SCARA3: variants seen among roughly 807,000 people sequenced by gnomAD.
SCARA3 encodes scavenger receptor class A member 3.
Under a neutral mutation model 47.0 loss-of-function variants are expected in SCARA3, and 39 were observed. That is an observed-to-expected ratio of 0.83 (90% CI 0.64 to 1.08). SCARA3 has a LOEUF of 1.08. Ranked by LOEUF, SCARA3 falls within the 50% of genes least tolerant of loss-of-function variation. The probability of loss-of-function intolerance (pLI) is 0.00; values close to 1 mark genes in which losing one functional copy is unlikely to be tolerated. For missense variants in SCARA3, 724 were observed against 792.3 expected (o/e 0.91, Z 1.04); for synonymous variants, 356 against 334.1 (o/e 1.07, Z -0.71).
At chr8:27,694,932 G>A in the SCARA3 span, among the ~76,000 whole-genome samples, 1,522 of 152,224 alleles carry the variant, frequency 1.0e-2, 17 homozygotes, top group African/African-American at 0.034. Context: ...GCAGGGAAGG[G>A]GCCCTACAGT....
At chr8:27,646,571 C>T (rs1801497334) in intron 1 of SCARA3, among the ~76,000 whole-genome samples, 1 of 152,126 alleles carries the variant, frequency 6.6e-6, no homozygotes, top group Admixed American at 6.5e-5. Context: ...GGAACCCGGC[C>T]AAGGAGGCAG....
In SCARA3 at chr8:27,659,027, C is replaced by T. The variant is rs140128423; in HGVS notation, c.857C>T (p.Ser286Phe). 1 of 1,614,008 alleles carries T rather than the reference C, an allele frequency of 6.2e-7. No individual in the cohort carries two copies. The highest frequency in any genetic ancestry group is 1.3e-5 in the African/African-American group (1 of 74,906). The change falls in exon 5 of 6, where the codon TCC (serine) becomes TTC (phenylalanine). Residue 286 changes from serine (S) to phenylalanine (F), a missense_variant. Coordinates refer to ENST00000301904, the MANE Select transcript of SCARA3 (RefSeq NM_016240.3). Reference sequence around the variant, plus strand: ...AACATCCAGGCCACCCTGGGGGCCTCCTCACAGCGCATCAGCCAGAACTCA... The same window carrying T: ...AACATCCAGGCCACCCTGGGGGCCTTCTCACAGCGCATCAGCCAGAACTCA... ...VKNIQATLGA[S>F]SQRISQNSES...
chr8:27,648,573 C>T (rs1261497284), intron 1 of SCARA3, among the ~76,000 whole-genome samples: 1 of 151,710 alleles, frequency 6.6e-6, no homozygotes, highest in African/African-American at 2.4e-5. Flanking sequence ...CACTGCAATC[C>T]AGCCTGGGCG....
the SCARA3 span, among the ~76,000 whole-genome samples, chr8:27,706,333 G>A: frequency 6.6e-6 from 1 of 151,960 alleles, no homozygotes; most frequent in Admixed American, 6.6e-5. Flanking sequence ...TTGTATTTTT[G>A]GTAGAGATGG....
Position 27,672,894 on chromosome 8 carries a change from C to T in SCARA3, c.*1543C>T. On this transcript the variant is annotated 3_prime_UTR_variant, in exon 6 of 6. Transcript: ENST00000301904. ...CCTGCTCAAAGCCTTTCCGCACCCTCCTGACTGTCCTGGATGTGCAACTGG... is the reference window on the plus strand; with the variant it reads ...CCTGCTCAAAGCCTTTCCGCACCCTTCTGACTGTCCTGGATGTGCAACTGG... 1.0e-6 allele frequency: 1 copy of T among 985,780 alleles called. No homozygotes were observed. 61.1% of individuals were successfully genotyped at this position (985,780 alleles called of 1,614,324 possible).
At chr8:27,653,040 A>G (rs1801666234) in intron 3 of SCARA3, among the ~76,000 whole-genome samples, 1 of 152,232 alleles carries the variant, frequency 6.6e-6, no homozygotes, top group Non-Finnish European at 1.5e-5. Context: ...CAAAAATCCC[A>G]GGCCAGAGGA....
chr8:27,702,550 A>C, the SCARA3 span: 1 of 152,262 alleles, frequency 6.6e-6, no homozygotes, highest in Non-Finnish European at 1.5e-5. Context: ...AGAGCGAGCC[A>C]TAGGGGAGTG....
chr8:27,636,195 A>G (rs1801245537), intron 1 of SCARA3, among the ~76,000 whole-genome samples: 2 of 152,190 alleles, frequency 1.3e-5, no homozygotes, highest in African/African-American at 2.4e-5. Flanking sequence ...CTTGGACCAC[A>G]TCTTACACGG....
At chr8:27,638,685 T>C (rs1801313692) in intron 1 of SCARA3, among the ~76,000 whole-genome samples, 1 of 152,196 alleles carries the variant, frequency 6.6e-6, no homozygotes, top group Admixed American at 6.5e-5. Context: ...TGTCTATATA[T>C]GTCTAAGGAC....
the SCARA3 span, among the ~76,000 whole-genome samples, chr8:27,717,019 T>C: frequency 6.6e-6 from 1 of 152,138 alleles, no homozygotes; most frequent in African/African-American, 2.4e-5. Context: ...TTCAGGATCT[T>C]CTACAAAGAC....
downstream of SCARA3, chr8:27,676,673 G>C (rs1802282864): frequency 1.1e-6 from 1 of 871,958 alleles, no homozygotes; most frequent in South Asian, 1.4e-5. Context: ...TATCCTTAAT[G>C]GTAAGCATCA....
At chr8:27,659,855 A>G (rs1445105210) in intron 5 of SCARA3, among the ~76,000 whole-genome samples, 4 of 122,716 alleles carry the variant, frequency 3.3e-5, no homozygotes, top group African/African-American at 1.1e-4. Flanking sequence ...ATCTAAAAAA[A>G]AAAAAAAAAA....
At chr8:27,724,300 G>A in the SCARA3 span, among the ~76,000 whole-genome samples, 11 of 152,298 alleles carry the variant, frequency 7.2e-5, no homozygotes, top group African/African-American at 2.4e-4. Flanking sequence ...AAGCAAGGTT[G>A]TTTTTTGACA....
At chr8:27,694,444 A>G in the SCARA3 span, among the ~76,000 whole-genome samples, 1 of 152,244 alleles carries the variant, frequency 6.6e-6, no homozygotes, top group African/African-American at 2.4e-5. Context: ...ACAGAGATAT[A>G]GAGATACATA....
At chr8:27,676,652 A>G (rs1802282486), downstream of SCARA3, 1 of 1,136,844 alleles carries the variant, frequency 8.8e-7, no homozygotes, top group Non-Finnish European at 1.3e-6. Flanking sequence ...TTTGAAAATG[A>G]ATTTGTTTAC....
At chr8:27,676,522 C>G, downstream of SCARA3, 1 of 1,600,834 alleles carries the variant, frequency 6.2e-7, no homozygotes, top group Non-Finnish European at 8.5e-7. Context: ...AAGTGAGGAA[C>G]AAACTATTAA....
At chr8:27,686,359 G>A in the SCARA3 span, among the ~76,000 whole-genome samples, 43 of 152,074 alleles carry the variant, frequency 2.8e-4, no homozygotes, top group African/African-American at 9.4e-4. Flanking sequence ...TGGGAGGACC[G>A]TTTGAGCCTG....
At chr8:27,638,204 G>T (rs549129807) in intron 1 of SCARA3, among the ~76,000 whole-genome samples, 5 of 152,148 alleles carry the variant, frequency 3.3e-5, no homozygotes, top group African/African-American at 1.2e-4. Flanking sequence ...GGCAGTTTCC[G>T]TGAAGGACAG....
chr8:27,654,815 AAG>A (rs1228041986), intron 3 of SCARA3, among the ~76,000 whole-genome samples: 2 of 152,096 alleles, frequency 1.3e-5, no homozygotes, highest in African/African-American at 2.4e-5. Flanking sequence ...AAAAGAAAAA[AAG>A]AAAAAAGAAA....
Sources: allele counts gnomAD v4.1 joint callset (sites outside exome capture counted in the v4.1 genomes callset), GRCh38; gene constraint gnomAD v4.1.1; transcripts MANE v1.5; gene names NCBI Gene and HGNC (gene_info 2026-07-23, HGNC 2026-07-21).